Variants in PRICKLE2 observed in about 807,000 individuals in gnomAD.
PRICKLE2 encodes prickle-like protein 2.
In PRICKLE2, 21 loss-of-function variants were observed where a neutral mutation model predicts 81.4. The observed-to-expected ratio is 0.26, with a 90% CI of 0.18 to 0.37. The LOEUF (loss-of-function observed/expected upper bound fraction) is 0.37, where lower values mean the gene tolerates loss of function less well. Among genes scored for constraint, PRICKLE2 ranks in the 10% least tolerant of loss-of-function variants. The probability of loss-of-function intolerance (pLI) is 1.00; values close to 1 mark genes in which losing one functional copy is unlikely to be tolerated. For synonymous variants in PRICKLE2, 456 were observed against 421.5 expected (o/e 1.08, Z -1.00); for missense variants, 940 against 1,109.0 (o/e 0.85, Z 2.16).
intron 6 of PRICKLE2, 135 bp downstream of exon 6, chr3:64,153,047 A>G (rs1235212625): frequency 2.2e-6 from 2 of 921,644 alleles, no homozygotes; most frequent in African/African-American, 3.2e-5. Flanking sequence ...GTCATGAATC[A>G]AGAAATTCCC....
At chr3:64,157,055 G>A in intron 5 of PRICKLE2, 107 bp downstream of exon 5, 1 of 1,030,962 alleles carries the variant, frequency 9.7e-7, no homozygotes, top group Non-Finnish European at 1.5e-6. Context: ...GCAAGAAAAT[G>A]AAGTTGCCTA....
chr3:64,224,965 G>A lies in PRICKLE2; in HGVS notation c.-96C>T. On this transcript the variant is annotated 5_prime_UTR_variant, in exon 1 of 8. Transcript: ENST00000638394. The stretch of plus-strand genomic sequence containing the variant: ...AGGAAGCTTCTGCCAGACCCTTGGA[G>A]CTTGTCAATTGTCCCAGTTCACTTT... 1 of 985,340 alleles carries A rather than the reference G, an allele frequency of 1.0e-6. No homozygotes were observed. Among genetic ancestry groups the A allele is most frequent in the Non-Finnish European group, 1.2e-6 (1 of 829,938 alleles). The allele number at this position is 985,340 out of a possible 1,614,324, so 61.0% of individuals were successfully genotyped here.
At chr3:64,151,382 G>T (rs558110881) in intron 6 of PRICKLE2, among the ~76,000 whole-genome samples, 1 of 152,318 alleles carries the variant, frequency 6.6e-6, no homozygotes, top group Non-Finnish European at 1.5e-5. Context: ...AAGGAGGAGA[G>T]AATGCCAATA....
At chr3:64,133,222 G>A (rs1455350663) in intron 7 of PRICKLE2, among the ~76,000 whole-genome samples, 1 of 152,168 alleles carries the variant, frequency 6.6e-6, no homozygotes, top group Non-Finnish European at 1.5e-5. Flanking sequence ...CCTAACTCCT[G>A]AATAGAAAGA....
Position 64,092,829 on chromosome 3 carries a change from A to G in PRICKLE2, c.*6222T>C, listed in dbSNP as rs1214040826. 2 of 152,264 alleles carry G rather than the reference A, an allele frequency of 1.3e-5. No individual in the cohort carries two copies. The highest frequency in any genetic ancestry group is 2.9e-5 in the Non-Finnish European group (2 of 68,058). 9.4% of individuals were successfully genotyped at this position (152,264 alleles called of 1,614,324 possible). ...TGCATTGAAACCAGTGGTTCTCAAC[A>G]GGGAGACATTGACAATGTGTGGAGA... On this transcript the variant is annotated 3_prime_UTR_variant, in exon 8 of 8. Transcript: ENST00000638394.
intron 1 of PRICKLE2, among the ~76,000 whole-genome samples, chr3:64,215,398 C>T (rs1309420140): frequency 6.6e-6 from 1 of 152,160 alleles, no homozygotes; most frequent in Admixed American, 6.5e-5. Context: ...ACATCTTTTC[C>T]TTAACATCAG....
At chr3:64,179,610 A>C (rs558701559) in intron 2 of PRICKLE2, among the ~76,000 whole-genome samples, 1 of 152,330 alleles carries the variant, frequency 6.6e-6, no homozygotes, top group Admixed American at 6.5e-5. Flanking sequence ...TAGGCAATTC[A>C]AATTTTTTAT....
chr3:64,210,111 C>T (rs2078760988), intron 1 of PRICKLE2, among the ~76,000 whole-genome samples: 1 of 152,042 alleles, frequency 6.6e-6, no homozygotes, highest in East Asian at 1.9e-4. Flanking sequence ...GTCCCAAAGC[C>T]CAAGCACAGA....
At chr3:64,138,619 CA>C (rs1426671525) in intron 7 of PRICKLE2, among the ~76,000 whole-genome samples, 1 of 152,246 alleles carries the variant, frequency 6.6e-6, no homozygotes, top group African/African-American at 2.4e-5. Context: ...GTTACTTGAT[CA>C]AAAAAATTTT....
intron 2 of PRICKLE2, among the ~76,000 whole-genome samples, chr3:64,247,922 C>G (rs998257595): frequency 2.0e-5 from 3 of 152,218 alleles, no homozygotes; most frequent in African/African-American, 7.2e-5. Context: ...TTTTTGCCAG[C>G]TTGTTACCAA....
intron 2 of PRICKLE2, among the ~76,000 whole-genome samples, chr3:64,265,452 T>C (rs1158484082): frequency 2.0e-5 from 3 of 152,180 alleles, no homozygotes; most frequent in African/African-American, 7.2e-5. Context: ...TACTTTATGA[T>C]AGTGATAGGA....
intron 7 of PRICKLE2, chr3:64,100,822 G>C (rs951936007): frequency 6.6e-6 from 1 of 152,208 alleles, no homozygotes; most frequent in Non-Finnish European, 1.5e-5. Context: ...GCTCTCTAAG[G>C]AGATGTTTAA....
At chr3:64,195,500 A>T (rs867175062) in intron 2 of PRICKLE2, among the ~76,000 whole-genome samples, 1 of 152,248 alleles carries the variant, frequency 6.6e-6, no homozygotes, top group Middle Eastern at 3.4e-3. Context: ...CTCAACCCTA[A>T]CTGGTCTTTA....
chr3:64,268,099 G>T (rs1012567774), intron 2 of PRICKLE2: 1 of 152,264 alleles, frequency 6.6e-6, no homozygotes, highest in Non-Finnish European at 1.5e-5. Flanking sequence ...TAACATTCCT[G>T]GGGCGGCAGC....
At chr3:64,195,801 T>C (rs553412954) in intron 2 of PRICKLE2, among the ~76,000 whole-genome samples, 3 of 152,338 alleles carry the variant, frequency 2.0e-5, no homozygotes, top group South Asian at 4.1e-4. Flanking sequence ...TTAATATAGA[T>C]GCATATTTTA....
chr3:64,119,162 C>G (rs1006168803), intron 7 of PRICKLE2, among the ~76,000 whole-genome samples: 3 of 151,988 alleles, frequency 2.0e-5, no homozygotes, highest in African/African-American at 7.3e-5. Context: ...TAAGTGGGAG[C>G]TAAATGATGA....
At chr3:64,206,347 G>A (rs1309128729) in intron 1 of PRICKLE2, among the ~76,000 whole-genome samples, 1 of 152,166 alleles carries the variant, frequency 6.6e-6, no homozygotes, top group African/African-American at 2.4e-5. Context: ...ACAGGTGTGG[G>A]TTTTACCAAT....
chr3:64,192,991 C>T (rs561321329), intron 2 of PRICKLE2, among the ~76,000 whole-genome samples: 27 of 152,284 alleles, frequency 1.8e-4, no homozygotes, highest in African/African-American at 6.0e-4. Flanking sequence ...AATCCACTTG[C>T]ATCCAATGAA....
In PRICKLE2 at chr3:64,132,226, A is replaced by T. The variant is rs148023743; in HGVS notation, c.1660+14604T>A. Among the ~76,000 whole-genome samples, 502 of 152,152 alleles carry T rather than the reference A, an allele frequency of 3.3e-3. 1 individual carries two copies. The highest frequency in any genetic ancestry group is 0.011 in the African/African-American group (462 of 41,498). On this transcript the variant is annotated intron_variant, in intron 7 of 7. Coordinates refer to ENST00000638394, the MANE Select transcript of PRICKLE2 (RefSeq NM_198859.4). ...TTTCTTTGCTCATTTTTTTCTTTGC[A>T]ACTTATCACAATCTGTCCTTCTCTG...
Sources: gnomAD v4.1 joint callset for allele counts (sites outside exome capture counted in the v4.1 genomes callset) on GRCh38, gnomAD v4.1.1 for gene constraint, MANE v1.5 for transcripts, NCBI Gene and HGNC (gene_info 2026-07-23, HGNC 2026-07-21) for gene names.